The following DLG2 variants were observed in gnomAD, a reference collection of about 807,000 sequenced individuals.
The protein encoded by DLG2 is disks large homolog 2.
In DLG2, 45 loss-of-function variants were observed where a neutral mutation model predicts 132.5. The observed-to-expected ratio is 0.34, with a 90% CI of 0.27 to 0.44. The LOEUF (loss-of-function observed/expected upper bound fraction) is 0.44, where lower values mean the gene tolerates loss of function less well. Among genes scored for constraint, DLG2 ranks in the 20% least tolerant of loss-of-function variants. The probability of loss-of-function intolerance (pLI) is 1.00; values close to 1 mark genes in which losing one functional copy is unlikely to be tolerated. For missense variants in DLG2, 1,045 were observed against 1,196.9 expected, an observed-to-expected ratio of 0.87 and a Z score of 1.87; for synonymous variants, 424 against 419.6, an observed-to-expected ratio of 1.01 and a Z score of -0.13.
At chr11:84,424,826 T>C (rs867413730) in intron 7 of DLG2, among the ~76,000 whole-genome samples, 20 of 152,004 alleles carry the variant, frequency 1.3e-4, no homozygotes, top group African/African-American at 3.9e-4. Flanking sequence ...CAGGGCTCAG[T>C]GAATGAATGA....
chr11:84,510,738 A>G (rs1185420014), intron 7 of DLG2, among the ~76,000 whole-genome samples: 1 of 152,148 alleles, frequency 6.6e-6, no homozygotes, highest in East Asian at 1.9e-4. Context: ...TGTTTTATTC[A>G]TCTTTTATTC....
chr11:83,653,979 C>T (rs1256860223), intron 18 of DLG2, among the ~76,000 whole-genome samples: 1 of 152,154 alleles, frequency 6.6e-6, no homozygotes, highest in East Asian at 1.9e-4. Context: ...CTCTACCTCC[C>T]AAAGTGCTGG....
chr11:84,125,335 G>A (rs1376664691), intron 9 of DLG2, among the ~76,000 whole-genome samples: 1 of 152,120 alleles, frequency 6.6e-6, no homozygotes, highest in Non-Finnish European at 1.5e-5. Context: ...TAGCTTTTAT[G>A]TAGCATGGAC....
chr11:84,216,638 TA>T (rs1297238135), intron 8 of DLG2, among the ~76,000 whole-genome samples: 2 of 152,034 alleles, frequency 1.3e-5, no homozygotes, highest in Non-Finnish European at 2.9e-5. Context: ...GAAATAGGGC[TA>T]AGAGTAAGGA....
intron 7 of DLG2, among the ~76,000 whole-genome samples, chr11:84,512,674 C>A (rs1405385663): frequency 1.3e-5 from 2 of 151,930 alleles, no homozygotes; most frequent in Non-Finnish European, 2.9e-5. Flanking sequence ...TACCAGCAGA[C>A]TTCTTAGTAG....
intron 18 of DLG2, among the ~76,000 whole-genome samples, chr11:83,679,911 C>T (rs2078444703): frequency 6.6e-6 from 1 of 152,126 alleles, no homozygotes; most frequent in African/African-American, 2.4e-5. Context: ...TTGAACAGCA[C>T]CTTTAAACCT....
chr11:84,720,547 G>A, intron 6 of DLG2: 20 of 939,452 alleles, frequency 2.1e-5, no homozygotes, highest in Non-Finnish European at 2.5e-5. Context: ...TGGAAGCAAC[G>A]CCGCGGGCAA....
chr11:84,148,503 T>A (rs1208994973), intron 9 of DLG2, among the ~76,000 whole-genome samples: 2 of 152,144 alleles, frequency 1.3e-5, no homozygotes, highest in African/African-American at 2.4e-5. Flanking sequence ...CTGCGTTAGT[T>A]TGCTCAGGAT....
At chr11:84,800,573 C>T (rs1449898408) in intron 6 of DLG2, 1 of 152,090 alleles carries the variant, frequency 6.6e-6, no homozygotes, top group African/African-American at 2.4e-5. Flanking sequence ...GGCCAAATAA[C>T]TGACAAGAAG....
intron 9 of DLG2, among the ~76,000 whole-genome samples, chr11:84,122,889 T>C (rs1414419816): frequency 6.6e-6 from 1 of 152,094 alleles, no homozygotes; most frequent in African/African-American, 2.4e-5. Context: ...CAATTTATTC[T>C]ACCTAAGAAG....
At chr11:84,984,823 G>A (rs944335406) in intron 6 of DLG2, among the ~76,000 whole-genome samples, 2 of 152,166 alleles carry the variant, frequency 1.3e-5, no homozygotes, top group Admixed American at 6.5e-5. Flanking sequence ...CCAAAAGCGG[G>A]CAGGAGTAGC....
intron 7 of DLG2, among the ~76,000 whole-genome samples, chr11:84,499,276 G>A (rs2099194959): frequency 6.6e-6 from 1 of 152,120 alleles, no homozygotes. Context: ...AGGATTAGAT[G>A]AGATATTAAG....
chr11:83,571,457 C>A (rs2096794976), intron 19 of DLG2, among the ~76,000 whole-genome samples: 1 of 151,930 alleles, frequency 6.6e-6, no homozygotes, highest in South Asian at 2.1e-4. Flanking sequence ...CTTTACATGA[C>A]TTTCTGAGCC....
chr11:84,808,600 T>G (rs1378754137), intron 6 of DLG2, among the ~76,000 whole-genome samples: 1 of 151,758 alleles, frequency 6.6e-6, no homozygotes, highest in Non-Finnish European at 1.5e-5. Flanking sequence ...TAGTATAAAT[T>G]ACAAATATCA....
intron 6 of DLG2, among the ~76,000 whole-genome samples, chr11:84,787,009 A>C (rs553383774): frequency 3.3e-5 from 5 of 152,260 alleles, no homozygotes; most frequent in Admixed American, 3.3e-4. Context: ...AACCCAAACC[A>C]ATCTAATTAG....
chr11:84,958,226 C>T (rs1300546313), intron 6 of DLG2, among the ~76,000 whole-genome samples: 1 of 152,006 alleles, frequency 6.6e-6, no homozygotes, highest in African/African-American at 2.4e-5. Context: ...TATTTCCTGC[C>T]CCACCCTGGC....
chr11:83,844,022 T>C (rs1032688376), intron 16 of DLG2, among the ~76,000 whole-genome samples: 1 of 152,160 alleles, frequency 6.6e-6, no homozygotes, highest in Admixed American at 6.5e-5. Context: ...GTACTGAGAA[T>C]AGCAGCAGAC....
intron 9 of DLG2, among the ~76,000 whole-genome samples, chr11:84,106,807 T>C (rs1489377171): frequency 4.0e-5 from 5 of 125,844 alleles, no homozygotes; most frequent in Non-Finnish European, 7.0e-5. Flanking sequence ...GAAAGTAGAT[T>C]ATTATCTGTG....
intron 6 of DLG2, among the ~76,000 whole-genome samples, chr11:84,819,432 A>T (rs1426149924): frequency 2.6e-5 from 4 of 151,902 alleles, no homozygotes; most frequent in Non-Finnish European, 5.9e-5. Flanking sequence ...CTTCAGATTC[A>T]AATGTCACAG....
Sources: gnomAD v4.1 joint callset for allele counts (sites outside exome capture counted in the v4.1 genomes callset) on GRCh38, gnomAD v4.1.1 for gene constraint, MANE v1.5 for transcripts, NCBI Gene and HGNC (gene_info 2026-07-23, HGNC 2026-07-21) for gene names.